ONECUT3: variants seen among roughly 807,000 people sequenced by gnomAD.
ONECUT3 encodes the protein one cut homeobox 3.
A neutral mutation model predicts 16.8 loss-of-function variants in ONECUT3; 11 were observed. That is an observed-to-expected ratio of 0.66 (90% CI 0.41 to 1.09). The LOEUF (loss-of-function observed/expected upper bound fraction) is 1.09, where lower values mean the gene tolerates loss of function less well. Ranked by LOEUF, ONECUT3 falls within the 50% of genes least tolerant of loss-of-function variation. The pLI, the probability that ONECUT3 is intolerant of heterozygous loss-of-function variation, is 0.00. For synonymous variants in ONECUT3, 344 were observed against 310.7 expected (o/e 1.11, Z -1.13); for missense variants, 637 against 629.9 (o/e 1.01, Z -0.12).
rs1305137842 is a variant in ONECUT3, at chr19:1,780,616, A to C, written c.*5171A>C. 1 of 152,318 alleles carries C rather than the reference A, an allele frequency of 6.6e-6. No homozygotes were observed. The highest frequency in any genetic ancestry group is 1.9e-4 in the East Asian group (1 of 5,202). 9.4% of individuals were successfully genotyped at this position (152,318 alleles called of 1,614,324 possible). Reference sequence around the variant, plus strand: ...GGGCTGGGCCTGGGGCTGAGGGCTCAGCTGACCTCAAATCTGAAATGATGC... The same window carrying C: ...GGGCTGGGCCTGGGGCTGAGGGCTCCGCTGACCTCAAATCTGAAATGATGC... On this transcript the variant is annotated 3_prime_UTR_variant, in exon 2 of 2. Transcript: ENST00000382349.
At chr19:1,760,717 C>T (rs1039585102) in intron 1 of ONECUT3, among the ~76,000 whole-genome samples, 1 of 152,022 alleles carries the variant, frequency 6.6e-6, no homozygotes, top group Non-Finnish European at 1.5e-5. Context: ...GGACCATCCC[C>T]GCTTTTGCTT....
chr19:1,775,025 C>T, intron 1 of ONECUT3, 128 bp from the exon 2 acceptor site: 2 of 605,922 alleles, frequency 3.3e-6, no homozygotes, highest in Non-Finnish European at 5.6e-6. Flanking sequence ...GTGCATTCGC[C>T]TTTCCCCAAC....
intron 1 of ONECUT3, among the ~76,000 whole-genome samples, chr19:1,756,600 G>T (rs1467582400): frequency 6.6e-6 from 1 of 151,980 alleles, no homozygotes; most frequent in African/African-American, 2.4e-5. Context: ...TGCGATCTCG[G>T]CTCACTGCAG....
Position 1,755,644 on chromosome 19 carries a change from C to T in ONECUT3, c.1192+790C>T, listed in dbSNP as rs548945130. 3.2e-3 allele frequency among the ~76,000 whole-genome samples: 488 copies of T among 152,328 alleles called. 2 individuals are homozygous for T. The highest frequency in any genetic ancestry group is 0.011 in the African/African-American group (468 of 41,586). ...GGTTTTGTGTCTCTCATGTCCACTTCTCTCCTCTCTCGGTCGGAACACACT... is the reference window on the plus strand; with the variant it reads ...GGTTTTGTGTCTCTCATGTCCACTTTTCTCCTCTCTCGGTCGGAACACACT... On this transcript the variant is annotated intron_variant, in intron 1 of 1. Transcript: ENST00000382349. This position sits in a 1 kb window ranked among gnomAD's most constrained non-coding sequence, Gnocchi z 7.5.
At chr19:1,767,567 T>G (rs1337169153) in intron 1 of ONECUT3, among the ~76,000 whole-genome samples, 1 of 152,170 alleles carries the variant, frequency 6.6e-6, no homozygotes, top group East Asian at 1.9e-4. Flanking sequence ...TTCCCCCGCA[T>G]GAGACACAGC....
chr19:1,775,521 C>T lies in ONECUT3; in HGVS notation c.*76C>T, dbSNP rs2068098840. The stretch of plus-strand genomic sequence containing the variant: ...CCCACGTCACCTCCCCACATCCTGC[C>T]GGCCCGGAGACCCGCCCCCAGGGGG... On this transcript the variant is annotated 3_prime_UTR_variant, in exon 2 of 2. Transcript: ENST00000382349. The T allele has an allele frequency of 1.4e-6, 2 of 1,380,670 alleles. No homozygotes were observed. Among genetic ancestry groups the T allele is most frequent in the Admixed American group, 3.5e-5 (1 of 28,462 alleles). 85.5% of individuals were successfully genotyped at this position (1,380,670 alleles called of 1,614,324 possible). A position where few individuals can be genotyped will look rare whatever the true frequency, so the allele number is the denominator to read the frequency against.
At position 1,762,487 on chromosome 19, in the gene ONECUT3, C is replaced by A. The variant is rs536572093; in HGVS notation, c.1192+7633C>A. 1.4e-4 allele frequency among the ~76,000 whole-genome samples: 22 copies of A among 152,380 alleles called. No homozygotes were observed. Among genetic ancestry groups the A allele is most frequent in the Non-Finnish European group, 5.9e-5 (4 of 68,032 alleles). On this transcript the variant is annotated intron_variant, in intron 1 of 1. Coordinates refer to ENST00000382349, the MANE Select transcript of ONECUT3 (RefSeq NM_001080488.2). The surrounding 1 kb of genome is among the most constrained non-coding windows in gnomAD (Gnocchi z 4.4). The stretch of plus-strand genomic sequence containing the variant: ...CTGTGCCTCAGTTTCCATCACCCAG[C>A]AAACGCCGTCCCGCAGCACCCGGGA...
At chr19:1,775,077 G>T (rs1304498694) in intron 1 of ONECUT3, 76 bp from the exon 2 acceptor site, 3 of 962,954 alleles carry the variant, frequency 3.1e-6, no homozygotes, top group African/African-American at 1.7e-5. Context: ...GGCGGCGTGC[G>T]CCTCCTGCCT....
At chr19:1,768,513 ATGGGACTCGCC>A (rs2068015091) in intron 1 of ONECUT3, among the ~76,000 whole-genome samples, 1 of 152,102 alleles carries the variant, frequency 6.6e-6, no homozygotes, top group Non-Finnish European at 1.5e-5. Flanking sequence ...CTCCAAGGGA[ATGGGACTCGCC>A]TGGGGTCCCA....
At position 1,754,992 on chromosome 19, in the gene ONECUT3, C is replaced by A; in HGVS notation, c.1192+138C>A. ...GCCCCGGCAGCCCGGGACCCCCTAT[C>A]AGGAAGCTAGACCGCGATCCGCGCC... On this transcript the variant is annotated intron_variant, in intron 1 of 1. Coordinates refer to ENST00000382349, the MANE Select transcript of ONECUT3 (RefSeq NM_001080488.2). This position sits in a 1 kb window ranked among gnomAD's most constrained non-coding sequence, Gnocchi z 7.4. 8.5e-7 allele frequency: 1 copy of A among 1,177,142 alleles called. No homozygotes were observed. The highest frequency in any genetic ancestry group is 1.1e-6 in the Non-Finnish European group (1 of 924,274). 72.9% of individuals were successfully genotyped at this position (1,177,142 alleles called of 1,614,324 possible). A position where few individuals can be genotyped will look rare whatever the true frequency, so the allele number is the denominator to read the frequency against.
In ONECUT3 at chr19:1,766,477, G is replaced by A. The variant is rs2067990834; in HGVS notation, c.1193-8676G>A. Reference sequence around the variant, plus strand: ...GAGGAGGAGGGGGAGAGGGAAGGAAGGGAAGTGAGGGAAGGAAGGGGAAGA... The same window carrying A: ...GAGGAGGAGGGGGAGAGGGAAGGAAAGGAAGTGAGGGAAGGAAGGGGAAGA... On this transcript the variant is annotated intron_variant, in intron 1 of 1. Coordinates refer to ENST00000382349, the MANE Select transcript of ONECUT3 (RefSeq NM_001080488.2). The surrounding 1 kb of genome is among the most constrained non-coding windows in gnomAD (Gnocchi z 4.0). 6.6e-6 allele frequency among the ~76,000 whole-genome samples: 1 copy of A among 151,472 alleles called. No individual in the cohort carries two copies. Among genetic ancestry groups the A allele is most frequent in the South Asian group, 2.1e-4 (1 of 4,780 alleles).
chr19:1,773,449 T>G (rs960337712), intron 1 of ONECUT3, among the ~76,000 whole-genome samples: 4 of 152,150 alleles, frequency 2.6e-5, no homozygotes, highest in African/African-American at 7.2e-5. Context: ...GAACCTGTTG[T>G]CCCCGAGACA....
chr19:1,763,738 T>TTG (rs1555799417), intron 1 of ONECUT3, among the ~76,000 whole-genome samples: 39 of 148,454 alleles, frequency 2.6e-4, no homozygotes, highest in East Asian at 5.8e-4. Context: ...TTTTGTTTTT[T>TTG]TTTTTTTTTT....
In ONECUT3 at chr19:1,771,498, C is replaced by A. The variant is rs148260675; in HGVS notation, c.1193-3655C>A. Among the ~76,000 whole-genome samples, 202 of 152,302 alleles carry A rather than the reference C, an allele frequency of 1.3e-3. 2 individuals carry two copies. The highest frequency in any genetic ancestry group is 4.4e-3 in the African/African-American group (184 of 41,572). On this transcript the variant is annotated intron_variant, in intron 1 of 1. Transcript: ENST00000382349. ...TAACTTTTCCTTGGAACTTTGAAAG[C>A]CTTGCTCTGTTGTCTGCTAGTTTTT...
intron 1 of ONECUT3, among the ~76,000 whole-genome samples, chr19:1,767,610 G>A (rs985734327): frequency 1.3e-5 from 2 of 152,230 alleles, no homozygotes; most frequent in African/African-American, 2.4e-5. Flanking sequence ...GGTTGGGGCG[G>A]GGACGGCTGC....
intron 1 of ONECUT3, among the ~76,000 whole-genome samples, chr19:1,770,317 G>T: frequency 6.6e-6 from 1 of 152,068 alleles, no homozygotes; most frequent in East Asian, 1.9e-4. Flanking sequence ...TGCACCCGTG[G>T]TCCCACCTAC....
chr19:1,754,082 T>G lies in ONECUT3; in HGVS notation c.420T>G (p.His140Gln). The change falls in exon 1 of 2, where the codon CAT becomes CAG. Residue 140 changes from histidine (H) to glutamine (Q), a missense_variant. By Grantham distance (24) the His-to-Gln change is conservative. Around this residue, in one of 3 missense-constraint regions of ONECUT3, gnomAD observed 419 missense variants for 377.9 expected, o/e 1.11. Coordinates refer to ENST00000382349, the MANE Select transcript of ONECUT3 (RefSeq NM_001080488.2). This position sits in a 1 kb window ranked among gnomAD's most constrained non-coding sequence, Gnocchi z 7.4. ...CCGTGGCCGGGGCGCACGGCGGCCA[T>G]CCCCACGCGCACCCGCACCCGGCGG... Reference protein sequence around the residue: ...AAAVAGAHGGHPHAHPHPAAA... With the variant: ...AAAVAGAHGGQPHAHPHPAAA... The G allele has an allele frequency of 1.0e-6, 1 of 1,000,756 alleles. No individual in the cohort carries two copies. 62.0% of individuals were successfully genotyped at this position (1,000,756 alleles called of 1,614,324 possible).
chr19:1,763,427 C>A (rs865887751), intron 1 of ONECUT3, among the ~76,000 whole-genome samples: 1 of 140,994 alleles, frequency 7.1e-6, no homozygotes, highest in Middle Eastern at 4.5e-3. Context: ...ACATCTGTGG[C>A]CCCGGCTACT....
rs1230027284 is a variant in ONECUT3, at chr19:1,764,843, G to C, written c.1192+9989G>C. 6.6e-6 allele frequency among the ~76,000 whole-genome samples: 1 copy of C among 151,524 alleles called. No homozygotes were observed. Among genetic ancestry groups the C allele is most frequent in the East Asian group, 1.9e-4 (1 of 5,152 alleles). On this transcript the variant is annotated intron_variant, in intron 1 of 1. Coordinates refer to ENST00000382349, the MANE Select transcript of ONECUT3 (RefSeq NM_001080488.2). This position sits in a 1 kb window ranked among gnomAD's most constrained non-coding sequence, Gnocchi z 5.0. ...GGGACAAGACACCAGCATGGGGGTGGGGGGCATCAGTACAACCCACATCTG... is the reference window on the plus strand; with the variant it reads ...GGGACAAGACACCAGCATGGGGGTGCGGGGCATCAGTACAACCCACATCTG...
Sources: gnomAD v4.1 joint callset for allele counts (sites outside exome capture counted in the v4.1 genomes callset) on GRCh38, gnomAD v4.1.1 for gene constraint, gnomAD v4.1.1 regional missense constraint, Gnocchi (gnomAD v3.1) non-coding constraint, MANE v1.5 for transcripts, NCBI Gene and HGNC (gene_info 2026-07-23, HGNC 2026-07-21) for gene names.